The following PDE4D variants were observed in gnomAD, a reference collection of about 807,000 sequenced individuals.
The protein encoded by PDE4D is phosphodiesterase 4D.
A neutral mutation model predicts 87.4 loss-of-function variants in PDE4D; 24 were observed. That is an observed-to-expected ratio of 0.27 (90% confidence interval 0.20 to 0.39). The LOEUF is 0.39. Ranked by LOEUF, PDE4D falls within the 10% of genes least tolerant of loss-of-function variation. PDE4D has a pLI of 1.00. For missense variants in PDE4D, 714 were observed against 1,041.0 expected (o/e 0.69, Z 4.32); for synonymous variants, 384 against 383.2 (o/e 1.00, Z -0.02).
chr5:60,452,400 C>T (rs1409199184), intron 1 of PDE4D, among the ~76,000 whole-genome samples: 1 of 152,074 alleles, frequency 6.6e-6, no homozygotes, highest in African/African-American at 2.4e-5. Flanking sequence ...AATTAATCTG[C>T]AGGATATTAT....
At chr5:59,817,744 C>CCA (rs1405850989) in intron 1 of PDE4D, among the ~76,000 whole-genome samples, 1 of 149,504 alleles carries the variant, frequency 6.7e-6, no homozygotes, top group African/African-American at 2.4e-5. Flanking sequence ...ACACCCACAC[C>CCA]CCCCCCCACA....
intron 2 of PDE4D, among the ~76,000 whole-genome samples, chr5:59,209,858 G>C (rs942581130): frequency 1.3e-5 from 2 of 152,206 alleles, no homozygotes; most frequent in African/African-American, 4.8e-5. Flanking sequence ...TGGAAACTGG[G>C]AACTATTCCA....
chr5:59,489,475 T>G (rs1427512485), intron 1 of PDE4D, among the ~76,000 whole-genome samples: 2 of 152,184 alleles, frequency 1.3e-5, no homozygotes, highest in Non-Finnish European at 2.9e-5. Flanking sequence ...TTACTTTGTC[T>G]TTTAGACCTC....
chr5:60,445,179 C>T (rs1237748503), intron 1 of PDE4D, among the ~76,000 whole-genome samples: 2 of 152,098 alleles, frequency 1.3e-5, no homozygotes, highest in Non-Finnish European at 2.9e-5. Context: ...TGACGACCAT[C>T]TGGTCAGGAG....
intron 5 of PDE4D, among the ~76,000 whole-genome samples, chr5:59,172,328 T>G (rs113951796): frequency 0.32 from 42,007 of 130,024 alleles, 7,366 homozygotes; most frequent in African/African-American, 0.44. Context: ...AAATATATAA[T>G]ATATAATATA....
chr5:59,867,439 A>T (rs964629537), intron 1 of PDE4D, among the ~76,000 whole-genome samples: 1 of 152,210 alleles, frequency 6.6e-6, no homozygotes, highest in African/African-American at 2.4e-5. Context: ...AAATTTTATA[A>T]TGCAATCTAT....
intron 1 of PDE4D, among the ~76,000 whole-genome samples, chr5:59,671,047 T>C (rs1054846649): frequency 2.6e-5 from 4 of 152,092 alleles, no homozygotes; most frequent in Admixed American, 1.3e-4. Context: ...TTATACAGAG[T>C]GTTTCCATAG....
intron 1 of PDE4D, among the ~76,000 whole-genome samples, chr5:59,447,607 G>C (rs1459112827): frequency 6.6e-6 from 1 of 152,230 alleles, no homozygotes; most frequent in Non-Finnish European, 1.5e-5. Flanking sequence ...TAATTCATCG[G>C]AATGAGGAAG....
intron 1 of PDE4D, among the ~76,000 whole-genome samples, chr5:59,241,231 A>G (rs73108706): frequency 0.014 from 2,166 of 152,312 alleles, 40 homozygotes; most frequent in African/African-American, 0.048. Flanking sequence ...CTATCAATAA[A>G]AGGGCATTCA....
At chr5:59,019,364 C>T (rs140218521) in intron 6 of PDE4D, among the ~76,000 whole-genome samples, 207 of 152,296 alleles carry the variant, frequency 1.4e-3, no homozygotes, top group African/African-American at 4.8e-3. Context: ...CTTCTAAAGT[C>T]ACCTTATTTT....
At position 59,792,958 on chromosome 5, in the gene PDE4D, T is replaced by G. The variant is rs146717865; in HGVS notation, c.455+100210A>C. Among the ~76,000 whole-genome samples the G allele has an allele frequency of 2.9e-4, 44 of 152,278 alleles. No homozygotes were observed. The East Asian group carries it at 7.9e-3, about 27-fold the overall frequency. On this transcript the variant is annotated intron_variant, in intron 1 of 14. Transcript: ENST00000340635. ...GCTTAGGTGGCAGAAAGAATGATCA[T>G]GACATTCACAGAAGTGGGGAAGTCA...
chr5:60,116,443 T>C (rs1176611243), intron 2 of PDE4D, among the ~76,000 whole-genome samples: 1 of 152,068 alleles, frequency 6.6e-6, no homozygotes, highest in East Asian at 1.9e-4. Context: ...CAGTACAACA[T>C]AATCCTTTGG....
At chr5:59,156,309 GAA>G (rs138297866) in intron 5 of PDE4D, among the ~76,000 whole-genome samples, 1,569 of 52,692 alleles carry the variant, frequency 0.03, 23 homozygotes, top group South Asian at 0.12. Flanking sequence ...AGACTTGCCA[GAA>G]AAAAAAAAAA....
intron 1 of PDE4D, among the ~76,000 whole-genome samples, chr5:59,759,654 C>A (rs1761730630): frequency 6.6e-6 from 1 of 152,190 alleles, no homozygotes; most frequent in Non-Finnish European, 1.5e-5. Flanking sequence ...ACTTGCAGCG[C>A]CTCCACCTCC....
At chr5:60,405,276 T>C (rs563505338) in intron 1 of PDE4D, among the ~76,000 whole-genome samples, 1 of 152,300 alleles carries the variant, frequency 6.6e-6, no homozygotes, top group East Asian at 1.9e-4. Flanking sequence ...GACTGTCCAG[T>C]TTTCCCAAGA....
chr5:60,072,014 C>A (rs372799307), intron 2 of PDE4D, among the ~76,000 whole-genome samples: 1 of 152,136 alleles, frequency 6.6e-6, no homozygotes, highest in East Asian at 1.9e-4. Context: ...GAAACAGTTT[C>A]TATTCCCTTG....
intron 1 of PDE4D, among the ~76,000 whole-genome samples, chr5:59,741,705 T>C (rs918819250): frequency 6.6e-6 from 1 of 152,214 alleles, no homozygotes; most frequent in African/African-American, 2.4e-5. Context: ...ATCTAGGTTC[T>C]TCTCTTTTAA....
intron 2 of PDE4D, among the ~76,000 whole-genome samples, chr5:60,018,040 A>G (rs1582199650): frequency 6.6e-6 from 1 of 152,116 alleles, no homozygotes; most frequent in East Asian, 1.9e-4. Flanking sequence ...CATTTCTGTA[A>G]TGATCAATGA....
chr5:59,444,101 C>A (rs1378166244), intron 1 of PDE4D, among the ~76,000 whole-genome samples: 1 of 152,130 alleles, frequency 6.6e-6, no homozygotes, highest in East Asian at 1.9e-4. Context: ...ATAATTTTAG[C>A]GAGCTCCATG....
Sources: gnomAD v4.1 joint callset for allele counts (sites outside exome capture counted in the v4.1 genomes callset) on GRCh38, gnomAD v4.1.1 for gene constraint, MANE v1.5 for transcripts, NCBI Gene and HGNC (gene_info 2026-07-23, HGNC 2026-07-21) for gene names.